The following PDE4D variants were observed in gnomAD, a reference collection of about 807,000 sequenced individuals.
PDE4D encodes 3',5'-cyclic-AMP phosphodiesterase 4D.
A neutral mutation model predicts 87.4 loss-of-function variants in PDE4D; 24 were observed. The ratio of observed to expected loss-of-function variants is 0.27; its 90% CI spans 0.20 to 0.39. PDE4D has a LOEUF of 0.39. Among genes scored for constraint, PDE4D ranks in the 10% least tolerant of loss-of-function variants. PDE4D has a pLI of 1.00. For synonymous variants in PDE4D, 384 were observed against 383.2 expected (o/e 1.00, Z -0.02); for missense variants, 714 against 1,041.0 (o/e 0.69, Z 4.32).
intron 1 of PDE4D, among the ~76,000 whole-genome samples, chr5:59,337,085 G>A (rs540495199): frequency 6.6e-6 from 1 of 152,228 alleles, no homozygotes. Context: ...GCTTTGATGA[G>A]GAAAAGTGTG....
chr5:59,921,866 G>A (rs1754703922), intron 3 of PDE4D, among the ~76,000 whole-genome samples: 1 of 152,124 alleles, frequency 6.6e-6, no homozygotes, highest in Non-Finnish European at 1.5e-5. Flanking sequence ...CACACAAAAA[G>A]GTACCATCTA....
rs35979900 is a variant in PDE4D at position 59,762,854 on chromosome 5, GATATATATATATATATAT to G, written c.455+130296_455+130313del. Among the ~76,000 whole-genome samples the G allele has an allele frequency of 6.4e-4, 33 of 51,690 alleles. 1 individual carries two copies. Among genetic ancestry groups the G allele is most frequent in the South Asian group, 4.4e-3 (6 of 1,358 alleles). The allele number at this position is 51,690 out of a possible 152,430, so 33.9% of individuals were successfully genotyped here. ...ACTAAAAAAGAGCAAACTGCTTAAG[GATATATATATATATATAT>G]ATATATATATATATATATATAGCTT... On this transcript the variant is annotated intron_variant, in intron 1 of 14. Coordinates refer to ENST00000340635, the MANE Select transcript of PDE4D (RefSeq NM_001104631.2).
chr5:59,306,590 C>G (rs981451581), intron 1 of PDE4D, among the ~76,000 whole-genome samples: 3 of 152,048 alleles, frequency 2.0e-5, no homozygotes, highest in Non-Finnish European at 2.9e-5. Context: ...GCCAAATCAT[C>G]AGTAAACTCC....
chr5:59,370,699 G>A (rs1419198632), intron 1 of PDE4D, among the ~76,000 whole-genome samples: 1 of 152,098 alleles, frequency 6.6e-6, no homozygotes, highest in Non-Finnish European at 1.5e-5. Context: ...TTTCAGAGGA[G>A]AGACATGTTG....
chr5:58,987,690 A>T (rs1746790087), intron 11 of PDE4D, among the ~76,000 whole-genome samples: 1 of 152,202 alleles, frequency 6.6e-6, no homozygotes, highest in Non-Finnish European at 1.5e-5. Context: ...ACAACTTTGC[A>T]TATTTTTTAT....
chr5:60,371,516 AT>A (rs1398704996), intron 1 of PDE4D, among the ~76,000 whole-genome samples: 3 of 152,238 alleles, frequency 2.0e-5, no homozygotes, highest in South Asian at 2.1e-4. Flanking sequence ...TGGGCCTTAT[AT>A]TTTTTTATCT....
At chr5:59,056,322 C>A (rs1206339211) in intron 5 of PDE4D, among the ~76,000 whole-genome samples, 1 of 152,130 alleles carries the variant, frequency 6.6e-6, no homozygotes, top group East Asian at 1.9e-4. Context: ...TAGGAAGCTA[C>A]AACCACTGGA....
At chr5:60,396,855 T>C (rs1451990627) in intron 1 of PDE4D, among the ~76,000 whole-genome samples, 1 of 152,214 alleles carries the variant, frequency 6.6e-6, no homozygotes, top group Non-Finnish European at 1.5e-5. Flanking sequence ...AGACCTTTCC[T>C]TTCCTTGAAA....
upstream of PDE4D, among the ~76,000 whole-genome samples, chr5:60,492,373 G>C (rs532878682): frequency 1.4e-4 from 21 of 152,172 alleles, no homozygotes; most frequent in Admixed American, 3.9e-4. Context: ...AGGAGTTGGA[G>C]GCTGCAGTGA....
intron 5 of PDE4D, among the ~76,000 whole-genome samples, chr5:59,066,346 A>G (rs1342010186): frequency 6.6e-6 from 1 of 152,158 alleles, no homozygotes. Flanking sequence ...AGGAGGAGCT[A>G]TTAGGGCACA....
intron 3 of PDE4D, among the ~76,000 whole-genome samples, chr5:59,980,271 T>C (rs956076012): frequency 3.9e-5 from 6 of 152,190 alleles, no homozygotes; most frequent in African/African-American, 1.2e-4. Context: ...AAACTATCTA[T>C]GGAGTGGAAC....
intron 3 of PDE4D, among the ~76,000 whole-genome samples, chr5:59,949,107 C>T (rs1263956888): frequency 2.0e-5 from 3 of 151,004 alleles, no homozygotes; most frequent in South Asian, 2.1e-4. Flanking sequence ...TGTGTGTGTG[C>T]GCATGCACAT....
intron 2 of PDE4D, among the ~76,000 whole-genome samples, chr5:60,075,840 G>A (rs1266800619): frequency 1.3e-5 from 2 of 151,930 alleles, no homozygotes; most frequent in African/African-American, 4.8e-5. Context: ...TTTTTGTACT[G>A]TGTTTTTTCA....
chr5:59,828,795 C>G (rs139335545), intron 1 of PDE4D, among the ~76,000 whole-genome samples: 1 of 151,972 alleles, frequency 6.6e-6, no homozygotes, highest in African/African-American at 2.4e-5. Context: ...TCTCATGAGC[C>G]CTAGTAGATA....
chr5:60,319,368 T>G (rs907938498), intron 1 of PDE4D, among the ~76,000 whole-genome samples: 1 of 152,232 alleles, frequency 6.6e-6, no homozygotes, highest in African/African-American at 2.4e-5. Flanking sequence ...GCATTGGTTA[T>G]TCTAGTTAGC....
chr5:60,042,714 TAGA>T (rs1366000847), intron 2 of PDE4D, among the ~76,000 whole-genome samples: 1 of 152,090 alleles, frequency 6.6e-6, no homozygotes, highest in African/African-American at 2.4e-5. Flanking sequence ...GCCTGACTGT[TAGA>T]AGGAAAACTA....
intron 1 of PDE4D, among the ~76,000 whole-genome samples, chr5:59,670,290 A>G (rs1023864016): frequency 6.6e-6 from 1 of 152,198 alleles, no homozygotes; most frequent in Non-Finnish European, 1.5e-5. Context: ...TTTGTTATTA[A>G]TAAAGGACTC....
At chr5:60,149,293 C>T (rs547988950) in intron 2 of PDE4D, among the ~76,000 whole-genome samples, 132 of 152,214 alleles carry the variant, frequency 8.7e-4, no homozygotes, top group South Asian at 4.8e-3. Flanking sequence ...GACAAAGGCA[C>T]GGCAGAAAGC....
intron 2 of PDE4D, among the ~76,000 whole-genome samples, chr5:59,204,975 A>T (rs1748419063): frequency 6.6e-6 from 1 of 152,386 alleles, no homozygotes; most frequent in South Asian, 2.1e-4. Flanking sequence ...TTCTACCAAC[A>T]TGCTGAATTT....
Sources: gnomAD v4.1 joint callset for allele counts (sites outside exome capture counted in the v4.1 genomes callset) on GRCh38, gnomAD v4.1.1 for gene constraint, MANE v1.5 for transcripts, NCBI Gene and HGNC (gene_info 2026-07-23, HGNC 2026-07-21) for gene names.